BICC1: variants seen among roughly 807,000 people sequenced by gnomAD.
The protein encoded by BICC1 is BicC family RNA binding protein 1, also known as protein bicaudal C homolog 1.
In BICC1, 43 loss-of-function variants were observed where a neutral mutation model predicts 111.0. The observed-to-expected ratio is 0.39, with a 90% CI of 0.30 to 0.50. The LOEUF (loss-of-function observed/expected upper bound fraction) is 0.50, where lower values mean the gene tolerates loss of function less well. BICC1 is among the 20% of genes least tolerant of loss of function. BICC1 has a pLI of 0.88. For missense variants in BICC1, 1,091 were observed against 1,203.2 expected (o/e 0.91, Z 1.38); for synonymous variants, 467 against 434.4 (o/e 1.07, Z -0.93).
intron 1 of BICC1, among the ~76,000 whole-genome samples, chr10:58,516,705 A>G (rs1473643891): frequency 6.6e-6 from 1 of 152,212 alleles, no homozygotes; most frequent in Non-Finnish European, 1.5e-5. Flanking sequence ...AAATCCTTAT[A>G]TAATTTCTTT....
intron 5 of BICC1, 74 bp from the exon 6 acceptor site, chr10:58,788,296 C>A: frequency 9.1e-7 from 1 of 1,096,974 alleles, no homozygotes; most frequent in Non-Finnish European, 1.4e-6. Context: ...TAGTAGCAAG[C>A]ATATAGATGA....
At chr10:58,708,002 A>AT (rs71467049) in intron 3 of BICC1, among the ~76,000 whole-genome samples, 4,288 of 108,068 alleles carry the variant, frequency 0.04, 807 homozygotes, top group African/African-American at 0.15. Flanking sequence ...TAGCCAGCTA[A>AT]TTTTTTTTTT....
chr10:58,817,767 T>A, intron 19 of BICC1, 45 bp downstream of exon 19: 2 of 1,544,962 alleles, frequency 1.3e-6, no homozygotes, highest in Middle Eastern at 3.5e-4. Flanking sequence ...TTTGATTGTG[T>A]GTATGATGAC....
At chr10:58,543,909 C>A (rs1020039526) in intron 1 of BICC1, among the ~76,000 whole-genome samples, 1 of 150,318 alleles carries the variant, frequency 6.7e-6, no homozygotes, top group Non-Finnish European at 1.5e-5. Flanking sequence ...CTTAGGTAAA[C>A]CTTTATAAAC....
At chr10:58,671,865 C>T (rs1205270572) in intron 2 of BICC1, among the ~76,000 whole-genome samples, 1 of 152,068 alleles carries the variant, frequency 6.6e-6, no homozygotes, top group African/African-American at 2.4e-5. Context: ...CTTTAAAGTT[C>T]TCATCTTATT....
At chr10:58,630,164 GA>G (rs1194446600) in intron 2 of BICC1, among the ~76,000 whole-genome samples, 2 of 152,160 alleles carry the variant, frequency 1.3e-5, no homozygotes, top group African/African-American at 4.8e-5. Context: ...ATTGAGTTAG[GA>G]AGCTAAGATC....
At chr10:58,635,779 C>T (rs894177383) in intron 2 of BICC1, among the ~76,000 whole-genome samples, 6 of 152,150 alleles carry the variant, frequency 3.9e-5, no homozygotes, top group African/African-American at 9.7e-5. Flanking sequence ...AAGCCCTGAT[C>T]GTTCTTGACT....
chr10:58,739,336 T>G (rs1841578315), intron 3 of BICC1, among the ~76,000 whole-genome samples: 1 of 152,218 alleles, frequency 6.6e-6, no homozygotes, highest in Admixed American at 6.5e-5. Context: ...TCTATTGAGA[T>G]AATCATATGG....
chr10:58,618,390 A>T (rs903314449), intron 1 of BICC1, among the ~76,000 whole-genome samples: 10 of 152,240 alleles, frequency 6.6e-5, no homozygotes, highest in Non-Finnish European at 1.5e-4. Context: ...GTGATCACCC[A>T]TGTGAGGTCG....
At chr10:58,584,903 T>C (rs1437558110) in intron 1 of BICC1, among the ~76,000 whole-genome samples, 3 of 152,210 alleles carry the variant, frequency 2.0e-5, no homozygotes, top group Non-Finnish European at 4.4e-5. Context: ...TTATAAATGA[T>C]TATAACCAAT....
At chr10:58,612,299 T>C (rs1198963807) in intron 1 of BICC1, among the ~76,000 whole-genome samples, 1 of 152,168 alleles carries the variant, frequency 6.6e-6, no homozygotes, top group Non-Finnish European at 1.5e-5. Context: ...AAAAAGTTTC[T>C]CTGGGAATGT....
intron 1 of BICC1, among the ~76,000 whole-genome samples, chr10:58,528,569 T>G (rs1842604352): frequency 6.6e-6 from 1 of 151,916 alleles, no homozygotes; most frequent in Non-Finnish European, 1.5e-5. Flanking sequence ...AAATTAAGAA[T>G]AACCTTTTAT....
intron 1 of BICC1, among the ~76,000 whole-genome samples, chr10:58,587,049 C>T (rs1844454258): frequency 1.3e-5 from 2 of 152,070 alleles, no homozygotes; most frequent in Non-Finnish European, 2.9e-5. Context: ...CTAATTAAAG[C>T]CTCATGAATA....
Position 58,789,369 on chromosome 10 carries a change from T to C in BICC1, c.708T>C (p.Asn236=). 2.5e-6 allele frequency: 4 copies of C among 1,614,076 alleles called. No individual in the cohort carries two copies. Among genetic ancestry groups the C allele is most frequent in the Non-Finnish European group, 3.4e-6 (4 of 1,179,956 alleles). Residue 236 remains asparagine, a synonymous_variant, in exon 7 of 21, where the codon AAT becomes AAC. Transcript: ENST00000373886. ...TTCAGCATATATCACAAACGTACAA[T>C]ATTTCAGTATCATTTAAACAGCGTT... ...PSIQHISQTY[N]ISVSFKQRSR...
intron 3 of BICC1, among the ~76,000 whole-genome samples, chr10:58,718,768 G>GCA (rs1840834404): frequency 8.2e-6 from 1 of 122,154 alleles, no homozygotes; most frequent in African/African-American, 3.2e-5. Flanking sequence ...GTGTGTGTGC[G>GCA]CGCGCGCGTG....
intron 2 of BICC1, among the ~76,000 whole-genome samples, chr10:58,623,701 T>G (rs1348060211): frequency 1.3e-5 from 2 of 152,154 alleles, no homozygotes; most frequent in African/African-American, 4.8e-5. Flanking sequence ...GACCTTCATC[T>G]CCGTTGTTGA....
At chr10:58,640,811 A>C (rs961194484) in intron 2 of BICC1, among the ~76,000 whole-genome samples, 1 of 152,250 alleles carries the variant, frequency 6.6e-6, no homozygotes, top group Non-Finnish European at 1.5e-5. Context: ...GAAAGAAACA[A>C]CTTGGAAGGG....
intron 15 of BICC1, among the ~76,000 whole-genome samples, chr10:58,803,874 A>G (rs11006267): frequency 0.05 from 7,590 of 152,330 alleles, 276 homozygotes; most frequent in South Asian, 0.12. Flanking sequence ...TGCAGAAATT[A>G]TAGATGACAA....
At position 58,831,222 on chromosome 10, in the gene BICC1, A is replaced by C. The variant is rs1246402835; in HGVS notation, c.*2331A>C. ...ACAAAATATTTTGATGATTTGAATA[A>C]ATGTTAACTTTTAATCTGCGCCTTA... On this transcript the variant is annotated 3_prime_UTR_variant, in exon 21 of 21. Transcript: ENST00000373886. The C allele has an allele frequency of 3.3e-5, 5 of 152,198 alleles. No homozygotes were observed. Among genetic ancestry groups the C allele is most frequent in the Admixed American group, 6.5e-5 (1 of 15,274 alleles). The allele number at this position is 152,198 out of a possible 1,614,324, so 9.4% of individuals were successfully genotyped here.
Sources: gnomAD v4.1 joint callset for allele counts (sites outside exome capture counted in the v4.1 genomes callset) on GRCh38, gnomAD v4.1.1 for gene constraint, MANE v1.5 for transcripts, NCBI Gene and HGNC (gene_info 2026-07-23, HGNC 2026-07-21) for gene names.